The following SPMIP4 variants were observed in gnomAD, a reference collection of about 807,000 sequenced individuals.
SPMIP4 encodes sperm-associated microtubule inner protein 4.
chr7:25,138,491 A>C, the SPMIP4 span, among the ~76,000 whole-genome samples: 3 of 152,208 alleles, frequency 2.0e-5, no homozygotes, highest in Non-Finnish European at 4.4e-5. This position sits in a 1 kb window ranked among gnomAD's most constrained non-coding sequence, Gnocchi z 6.2. Context: ...TTTGCCTCCC[A>C]AAAATGACAG....
chr7:25,126,206 A>C, the SPMIP4 span, among the ~76,000 whole-genome samples: 1 of 152,060 alleles, frequency 6.6e-6, no homozygotes, highest in South Asian at 2.1e-4. Flanking sequence ...TAGTTTGTTT[A>C]ATGTACAATA....
chr7:25,141,378 C>T, the SPMIP4 span, among the ~76,000 whole-genome samples: 1 of 152,074 alleles, frequency 6.6e-6, no homozygotes, highest in Non-Finnish European at 1.5e-5. Context: ...TCGAGACCAT[C>T]CTGGTCAACA....
At chr7:25,170,521 T>C in the SPMIP4 span, among the ~76,000 whole-genome samples, 2 of 152,190 alleles carry the variant, frequency 1.3e-5, no homozygotes. Context: ...AGCAAAAAAG[T>C]TTTTTAATTT....
chr7:25,157,849 C>T, the SPMIP4 span, among the ~76,000 whole-genome samples: 1 of 152,162 alleles, frequency 6.6e-6, no homozygotes, highest in African/African-American at 2.4e-5. Context: ...AGCAATGTTT[C>T]ATTAATTGTG....
the SPMIP4 span, among the ~76,000 whole-genome samples, chr7:25,127,919 G>T: frequency 1.3e-5 from 2 of 152,186 alleles, no homozygotes; most frequent in Admixed American, 1.3e-4. Flanking sequence ...CTGCATTAGG[G>T]GCCATCCGAA....
At chr7:25,146,393 G>A in the SPMIP4 span, among the ~76,000 whole-genome samples, 1 of 152,202 alleles carries the variant, frequency 6.6e-6, no homozygotes. Context: ...CTGAGCAGGT[G>A]GGAGGGGGCA....
At chr7:25,140,770 T>G in the SPMIP4 span, among the ~76,000 whole-genome samples, 5 of 147,760 alleles carry the variant, frequency 3.4e-5, no homozygotes, top group African/African-American at 1.3e-4. Context: ...GTATTTTTAG[T>G]AGAGACGGGT....
At chr7:25,130,238 C>G in the SPMIP4 span, among the ~76,000 whole-genome samples, 2 of 145,180 alleles carry the variant, frequency 1.4e-5, no homozygotes, top group Non-Finnish European at 3.0e-5. Context: ...AGAAAGACTC[C>G]GCATCTCAAA....
At chr7:25,177,028 C>T in the SPMIP4 span, among the ~76,000 whole-genome samples, 1 of 152,234 alleles carries the variant, frequency 6.6e-6, no homozygotes, top group African/African-American at 2.4e-5. Context: ...TGATGAATGA[C>T]TATTCTGCAT....
the SPMIP4 span, among the ~76,000 whole-genome samples, chr7:25,174,431 T>C: frequency 1.3e-5 from 2 of 152,248 alleles, no homozygotes; most frequent in African/African-American, 2.4e-5. The surrounding 1 kb of genome is among the most constrained non-coding windows in gnomAD (Gnocchi z 4.5). Context: ...TCCCTATAGA[T>C]GAGCCAGTAT....
chr7:25,134,879 C>T, the SPMIP4 span: 1 of 985,320 alleles, frequency 1.0e-6, no homozygotes, highest in Non-Finnish European at 1.2e-6. Context: ...GCTCCGATTT[C>T]CCCAGTATTA....
the SPMIP4 span, among the ~76,000 whole-genome samples, chr7:25,163,056 C>T: frequency 6.6e-6 from 1 of 152,206 alleles, no homozygotes; most frequent in Non-Finnish European, 1.5e-5. The surrounding 1 kb of genome is among the most constrained non-coding windows in gnomAD (Gnocchi z 4.4). Context: ...CCACTGCGCC[C>T]AGCTGGATTT....
chr7:25,134,809 T>TG, the SPMIP4 span: 1 of 985,258 alleles, frequency 1.0e-6, no homozygotes, highest in Non-Finnish European at 1.2e-6. Context: ...CACTCCCAAT[T>TG]GCATTACATA....
At chr7:25,171,648 G>A in the SPMIP4 span, among the ~76,000 whole-genome samples, 4 of 152,328 alleles carry the variant, frequency 2.6e-5, no homozygotes, top group East Asian at 3.9e-4. Flanking sequence ...GCTACATAGA[G>A]GGTAAATAGG....
the SPMIP4 span, among the ~76,000 whole-genome samples, chr7:25,162,362 T>C: frequency 2.0e-5 from 3 of 148,630 alleles, no homozygotes; most frequent in Non-Finnish European, 4.5e-5. Context: ...GAAGTTCAAA[T>C]AAAATAAAAA....
chr7:25,162,269 TCA>T, the SPMIP4 span, among the ~76,000 whole-genome samples: 5,553 of 104,060 alleles, frequency 0.053, 150 homozygotes, highest in Non-Finnish European at 0.071. Flanking sequence ...AAACTCTGTC[TCA>T]AAAAAAAAAA....
the SPMIP4 span, among the ~76,000 whole-genome samples, chr7:25,152,059 A>G: frequency 2.0e-5 from 3 of 152,196 alleles, no homozygotes; most frequent in African/African-American, 7.2e-5. Flanking sequence ...CTTTAACCCT[A>G]GTGCTCTCAG....
At chr7:25,142,745 T>A in the SPMIP4 span, 1 of 1,601,496 alleles carries the variant, frequency 6.2e-7, no homozygotes, top group African/African-American at 1.4e-5. Context: ...TTTAAAGAAG[T>A]GTTAGGAGCG....
At chr7:25,172,019 G>C in the SPMIP4 span, among the ~76,000 whole-genome samples, 1 of 152,298 alleles carries the variant, frequency 6.6e-6, no homozygotes, top group South Asian at 2.1e-4. This position sits in a 1 kb window ranked among gnomAD's most constrained non-coding sequence, Gnocchi z 4.2. Context: ...GTGTTCTAAA[G>C]GATGAGTAGG....
Sources: allele counts gnomAD v4.1 joint callset (sites outside exome capture counted in the v4.1 genomes callset), GRCh38; gene constraint gnomAD v4.1.1; non-coding constraint Gnocchi (gnomAD v3.1); transcripts MANE v1.5; gene names NCBI Gene and HGNC (gene_info 2026-07-23, HGNC 2026-07-21).